Variants in DCTN1 observed in about 807,000 individuals in gnomAD.
DCTN1 encodes the protein dynactin subunit 1.
Under a neutral mutation model 161.2 loss-of-function variants are expected in DCTN1, and 61 were observed. The observed-to-expected ratio is 0.38, with a 90% CI of 0.31 to 0.47. The LOEUF is 0.47. Among genes scored for constraint, DCTN1 ranks in the 20% least tolerant of loss-of-function variants. The pLI, the probability that DCTN1 is intolerant of heterozygous loss-of-function variation, is 0.99. For missense variants in DCTN1, 1,404 were observed against 1,623.7 expected (o/e 0.86, Z 2.33); for synonymous variants, 653 against 632.4 (o/e 1.03, Z -0.49).
At chr2:74,362,213 TCA>T in intron 30 of DCTN1, 72 bp from the exon 31 acceptor site, 3 of 1,388,050 alleles carry the variant, frequency 2.2e-6, no homozygotes, top group South Asian at 1.2e-5. Flanking sequence ...CCACGTGGTT[TCA>T]CAGAGACACT....
rs1274300801 is a variant in DCTN1, at chr2:74,370,595, G to T, written c.1048+26C>A. The T allele has an allele frequency of 1.9e-6, 3 of 1,613,998 alleles. No homozygotes were observed. In the East Asian group the frequency reaches 6.7e-5, roughly 36 times the overall value. On this transcript the variant is annotated intron_variant, in intron 10 of 31. Transcript: ENST00000628224. The surrounding 1 kb of genome is among the most constrained non-coding windows in gnomAD (Gnocchi z 4.4). ...GGCATGGTTCTCACCTGACCGTTTGGCCCCCAGCAGCTGTGGGCCCCTTAC... is the reference window on the plus strand; with the variant it reads ...GGCATGGTTCTCACCTGACCGTTTGTCCCCCAGCAGCTGTGGGCCCCTTAC...
At chr2:74,371,289 G>A (rs1674824690) in intron 8 of DCTN1, 113 bp from the exon 9 acceptor site, 1 of 1,599,152 alleles carries the variant, frequency 6.3e-7, no homozygotes, top group Non-Finnish European at 8.5e-7. Context: ...CCCCAGGGTG[G>A]CCAACAGTCA....
chr2:74,368,712 G>A lies in DCTN1; in HGVS notation c.1854+16C>T. ...TTCACTAGATTTCTGTGGAACATGT[G>A]ATTGATTGGCCATACCTTGCAAATG... On this transcript the variant is annotated intron_variant, in intron 16 of 31. Transcript: ENST00000628224. 2 of 1,614,246 alleles carry A rather than the reference G, an allele frequency of 1.2e-6. No individual in the cohort carries two copies. Among genetic ancestry groups the A allele is most frequent in the Non-Finnish European group, 1.7e-6 (2 of 1,180,052 alleles).
At chr2:74,389,871 T>G (rs1487775789) in intron 1 of DCTN1, among the ~76,000 whole-genome samples, 2 of 152,334 alleles carry the variant, frequency 1.3e-5, no homozygotes, top group East Asian at 3.9e-4. Context: ...CTAATATTGC[T>G]ATGTGAAGCC....
chr2:74,371,809 TA>T, intron 7 of DCTN1, 81 bp from the exon 8 acceptor site: 1 of 1,114,472 alleles, frequency 9.0e-7, no homozygotes, highest in Non-Finnish European at 1.3e-6. Context: ...AATATGAGAA[TA>T]TGGCAAGGGA....
intron 5 of DCTN1, 94 bp downstream of exon 5, chr2:74,376,648 C>T: frequency 1.6e-6 from 2 of 1,253,914 alleles, no homozygotes; most frequent in Non-Finnish European, 2.3e-6. Context: ...CAAGGTCACA[C>T]ACACATGCAT....
Position 74,369,249 on chromosome 2 carries a change from T to C in DCTN1, c.1585-35A>G. ...GAGACAGTGAAGCACAGCTGGGTCA[T>C]AAGGAAGCCCTGGGGTGATGGTGGG... On this transcript the variant is annotated intron_variant, in intron 14 of 31. Coordinates refer to ENST00000628224, the MANE Select transcript of DCTN1 (RefSeq NM_004082.5). The surrounding 1 kb of genome is among the most constrained non-coding windows in gnomAD (Gnocchi z 4.9). 3 of 1,614,072 alleles carry C rather than the reference T, an allele frequency of 1.9e-6. No homozygotes were observed. Among genetic ancestry groups the C allele is most frequent in the Non-Finnish European group, 2.5e-6 (3 of 1,179,998 alleles).
At chr2:74,373,462 TC>T in intron 6 of DCTN1, 2 of 209,992 alleles carry the variant, frequency 9.5e-6, no homozygotes, top group South Asian at 1.7e-4. Context: ...GGAGATCAGG[TC>T]CCTAGGGTAG....
intron 23 of DCTN1, 103 bp from the exon 24 acceptor site, chr2:74,366,121 T>C: frequency 6.2e-7 from 1 of 1,607,990 alleles, no homozygotes; most frequent in Non-Finnish European, 8.5e-7. Context: ...CCCTGCCTTC[T>C]AGGCAGGATG....
chr2:74,384,998 A>G (rs768180804), upstream of DCTN1: 9 of 152,258 alleles, frequency 5.9e-5, no homozygotes, highest in Non-Finnish European at 7.3e-5. Context: ...CCAGATATTC[A>G]CAGGACCCCA....
Position 74,368,016 on chromosome 2 carries a change from A to C in DCTN1, c.1970T>G (p.Val657Gly), listed in dbSNP as rs1251638022. ...GGCCTGCAGCAGGCTCAGCGAGTAC[A>C]CCAGTCCAGCAGCAAAGCTGAGTTG... ...GEQLSFAAGL[V>G]YSLSLLQATL... Residue 657 changes from valine to glycine, a missense_variant, in exon 17 of 32, where the codon GTG (valine) becomes GGG (glycine). By Grantham distance (109) the Val-to-Gly change is moderately radical (BLOSUM62 -3). Around this residue, in one of 9 missense-constraint regions of DCTN1, gnomAD observed 475 missense variants for 489.8 expected, o/e 0.97. Transcript: ENST00000628224. 4 of 1,614,044 alleles carry C rather than the reference A, an allele frequency of 2.5e-6. No homozygotes were observed. The highest frequency in any genetic ancestry group is 3.4e-6 in the Non-Finnish European group (4 of 1,180,028).
At position 74,363,821 on chromosome 2, in the gene DCTN1, G is replaced by C. The variant is rs1028044858; in HGVS notation, c.3197-193C>G. 3 of 741,634 alleles carry C rather than the reference G, an allele frequency of 4.0e-6. No homozygotes were observed. In the African/African-American group the frequency reaches 5.2e-5, roughly 13 times the overall value. The allele number at this position is 741,634 out of a possible 1,614,324, so 45.9% of individuals were successfully genotyped here. A position where few individuals can be genotyped will look rare whatever the true frequency, so the allele number is the denominator to read the frequency against. On this transcript the variant is annotated intron_variant, in intron 26 of 31. Coordinates refer to ENST00000628224, the MANE Select transcript of DCTN1 (RefSeq NM_004082.5). ...GACGAGCAGATAAGTGTTAAAGAAA[G>C]ACACCAAACAGGAGTGAGGCCACAA... is the stretch of plus-strand genomic sequence containing the variant.
Position 74,371,054 on chromosome 2 carries a change from C to A in DCTN1, c.768G>T (p.Glu256Asp). 4 of 1,614,278 alleles carry A rather than the reference C, an allele frequency of 2.5e-6. No individual in the cohort carries two copies. The highest frequency in any genetic ancestry group is 3.4e-6 in the Non-Finnish European group (4 of 1,180,056). The change falls in exon 9 of 32, where the codon GAG (glutamate) becomes GAT (aspartate). Residue 256 changes from glutamate to aspartate, a missense_variant. Coordinates refer to ENST00000628224, the MANE Select transcript of DCTN1 (RefSeq NM_004082.5). The part of the protein sequence containing the change: ...KELEKHKIQL[E>D]QVQEWKSKMQ... ...TTTTGCTCTTCCATTCCTGCACCTG[C>A]TCCAGCTGGATTTTGTGTTTCTCCA...
At chr2:74,363,241 A>G (rs1674150073) in intron 28 of DCTN1, 53 bp downstream of exon 28, 2 of 1,614,064 alleles carry the variant, frequency 1.2e-6, no homozygotes, top group South Asian at 2.2e-5. Context: ...TCTATCATCA[A>G]TGGGGCAAAT....
Position 74,362,686 on chromosome 2 carries a change from C to T in DCTN1, c.3573G>A (p.Gln1191=), listed in dbSNP as rs137966704. The change falls in exon 30 of 32, where the codon CAG becomes CAA. Residue 1191 remains glutamine, a synonymous_variant. Coordinates refer to ENST00000628224, the MANE Select transcript of DCTN1 (RefSeq NM_004082.5). ...CGACGGTGTCACTCAGGGACTTAAG[C>T]TGAGCCACTTGCTCCATAAGTTGGG... ...PSAQLMEQVA[Q]LKSLSDTVEK... 133 of 1,614,022 alleles carry T rather than the reference C, an allele frequency of 8.2e-5. No homozygotes were observed. The African/African-American group carries it at 1.6e-3, about 19-fold the overall frequency.
At position 74,366,028 on chromosome 2, in the gene DCTN1, G is replaced by A. The variant is rs1250161034; in HGVS notation, c.2761-10C>T. 1 of 1,614,222 alleles carries A rather than the reference G, an allele frequency of 6.2e-7. No individual in the cohort carries two copies. Reference sequence around the variant, plus strand: ...GTTCAACCGGTGGAGGCTAAGGAATGGTCGGTAGGGGGTGAGAAAGTGAGG... The same window carrying A: ...GTTCAACCGGTGGAGGCTAAGGAATAGTCGGTAGGGGGTGAGAAAGTGAGG... On this transcript the variant is annotated splice_polypyrimidine_tract_variant and intron_variant, in intron 23 of 31. Transcript: ENST00000628224.
chr2:74,363,121 T>G lies in DCTN1; in HGVS notation c.3402A>C (p.Leu1134=). 1.2e-6 allele frequency: 2 copies of G among 1,614,002 alleles called. No individual in the cohort carries two copies. Reference sequence around the variant, plus strand: ...ACTCACTGCCAGGGCCCTCATGGGATAGCTTTGCAACATGCAGAGGGGGCA... The same window carrying G: ...ACTCACTGCCAGGGCCCTCATGGGAGAGCTTTGCAACATGCAGAGGGGGCA... ...ASLPPLHVAK[L]SHEGPGSELP... The change falls in exon 29 of 32, where the codon CTA becomes CTC. Residue 1134 remains leucine (L), a synonymous_variant. Coordinates refer to ENST00000628224, the MANE Select transcript of DCTN1 (RefSeq NM_004082.5).
In DCTN1 at chr2:74,369,564, C is replaced by T. The variant is rs1263553327; in HGVS notation, c.1393-73G>A. On this transcript the variant is annotated intron_variant, in intron 13 of 31. Transcript: ENST00000628224. This position sits in a 1 kb window ranked among gnomAD's most constrained non-coding sequence, Gnocchi z 4.9. ...AGCGGCGGTGGTTCACACCTGTAAT[C>T]CCAGCACTTTGGGAGGTCAAAGCAG... The T allele has an allele frequency of 6.6e-7, 1 of 1,504,700 alleles. No homozygotes were observed. Among genetic ancestry groups the T allele is most frequent in the South Asian group, 1.1e-5 (1 of 88,870 alleles). The allele number at this position is 1,504,700 out of a possible 1,614,324, so 93.2% of individuals were successfully genotyped here.
chr2:74,382,525 C>T (rs140678747), upstream of DCTN1, among the ~76,000 whole-genome samples: 1,409 of 146,818 alleles, frequency 9.6e-3, 19 homozygotes, highest in African/African-American at 0.032. Flanking sequence ...CGCTTGAAGC[C>T]GGGAGGTGAA....
Sources: gnomAD v4.1 joint callset for allele counts (sites outside exome capture counted in the v4.1 genomes callset) on GRCh38, gnomAD v4.1.1 for gene constraint, gnomAD v4.1.1 regional missense constraint, Gnocchi (gnomAD v3.1) non-coding constraint, MANE v1.5 for transcripts, NCBI Gene and HGNC (gene_info 2026-07-23, HGNC 2026-07-21) for gene names.